The following FAM222B variants were observed in gnomAD, a reference collection of about 807,000 sequenced individuals.
FAM222B encodes protein FAM222B.
FAM222B carries 12 observed loss-of-function variants against 38.0 expected under a neutral mutation model. The ratio of observed to expected loss-of-function variants is 0.32; its 90% CI spans 0.20 to 0.51. The LOEUF is 0.51. Ranked by LOEUF, FAM222B falls within the 20% of genes least tolerant of loss-of-function variation. The pLI is 0.97. For missense variants in FAM222B, 716 were observed against 754.2 expected (o/e 0.95, Z 0.59); for synonymous variants, 329 against 317.2 (o/e 1.04, Z -0.40).
At chr17:28,835,049 T>C (rs898468405) in intron 1 of FAM222B, among the ~76,000 whole-genome samples, 7 of 149,970 alleles carry the variant, frequency 4.7e-5, no homozygotes, top group African/African-American at 1.5e-4. Context: ...TGTGTGTGTG[T>C]GTGTGTGTGT....
chr17:28,833,820 GA>G (rs2152618063), intron 1 of FAM222B, among the ~76,000 whole-genome samples: 1 of 152,164 alleles, frequency 6.6e-6, no homozygotes, highest in Non-Finnish European at 1.5e-5. Context: ...ATATGCTAAT[GA>G]CTACTAAATC....
At chr17:28,766,378 G>A (rs543310282) in intron 2 of FAM222B, among the ~76,000 whole-genome samples, 7 of 152,080 alleles carry the variant, frequency 4.6e-5, no homozygotes, top group African/African-American at 1.2e-4. Flanking sequence ...TGCTTAACCC[G>A]GGAGGGAGAG....
chr17:28,810,970 A>C (rs2037731713), intron 1 of FAM222B, among the ~76,000 whole-genome samples: 1 of 152,214 alleles, frequency 6.6e-6, no homozygotes, highest in Non-Finnish European at 1.5e-5. Flanking sequence ...TGTCTTCAAA[A>C]GTGGACCCCA....
intron 1 of FAM222B, among the ~76,000 whole-genome samples, chr17:28,818,676 C>A (rs2038112727): frequency 6.6e-6 from 1 of 152,130 alleles, no homozygotes; most frequent in Non-Finnish European, 1.5e-5. Flanking sequence ...TATATTTTTC[C>A]CTAATCTTCA....
upstream of FAM222B, among the ~76,000 whole-genome samples, chr17:28,847,759 A>T (rs2039155022): frequency 6.6e-6 from 1 of 151,798 alleles, no homozygotes; most frequent in African/African-American, 2.4e-5. Flanking sequence ...CTAAAAATAC[A>T]AAAAATGAGC....
At chr17:28,778,723 T>A (rs868424717) in intron 1 of FAM222B, among the ~76,000 whole-genome samples, 604 of 84,228 alleles carry the variant, frequency 7.2e-3, no homozygotes, top group African/African-American at 0.012. Context: ...ATATATATTT[T>A]TTTTTTTTTT....
intron 1 of FAM222B, among the ~76,000 whole-genome samples, chr17:28,793,411 C>A (rs1325221435): frequency 6.6e-6 from 1 of 152,166 alleles, no homozygotes; most frequent in Non-Finnish European, 1.5e-5. Context: ...CAAATGACAT[C>A]ATAAACTTTA....
rs201191388 is a variant in FAM222B, at chr17:28,766,590, C to G, written c.78G>C (p.Gln26His). The G allele has an allele frequency of 6.3e-7, 1 of 1,596,616 alleles. No homozygotes were observed. The highest frequency in any genetic ancestry group is 1.1e-5 in the South Asian group (1 of 88,010). ...LSHTQMNTGL[Q>H]KWDTTQKMRT... ...CATAGGATCCAGATTACTTACATTTCTGAAGTCCAGTGTTCATCTGCGTGT... is the reference window on the plus strand; with the variant it reads ...CATAGGATCCAGATTACTTACATTTGTGAAGTCCAGTGTTCATCTGCGTGT... The change falls in exon 2 of 3, where the codon CAG becomes CAC. Residue 26 changes from glutamine to histidine, a missense_variant. Gln to His is a conservative substitution (Grantham distance 24, BLOSUM62 0). Transcript: ENST00000581407.
At position 28,759,668 on chromosome 17, in the gene FAM222B, G is replaced by A. The variant is rs1201128836; in HGVS notation, c.291C>T (p.Thr97=). The A allele has an allele frequency of 6.2e-7, 1 of 1,613,394 alleles. No homozygotes were observed. Among genetic ancestry groups the A allele is most frequent in the African/African-American group, 1.3e-5 (1 of 74,938 alleles). The change falls in exon 3 of 3, where the codon ACC becomes ACT. Residue 97 remains threonine (T), a synonymous_variant. Coordinates refer to ENST00000581407, the MANE Select transcript of FAM222B (RefSeq NM_001077498.3). This position sits in a 1 kb window ranked among gnomAD's most constrained non-coding sequence, Gnocchi z 4.8. ...TGACAATGGCAAGCAGGCCTGCCTT[G>A]GTGGCAGCCTGTGTCGGGTAGGGGC... ...RYSPYPTQAA[T]KAGLLAIVKV...
At chr17:28,800,851 TTGA>T (rs2037182042) in intron 1 of FAM222B, among the ~76,000 whole-genome samples, 1 of 123,926 alleles carries the variant, frequency 8.1e-6, no homozygotes, top group African/African-American at 2.9e-5. Context: ...CCACATTTTG[TTGA>T]AAAAAAAAAA....
chr17:28,765,088 G>A (rs969549363), intron 2 of FAM222B, among the ~76,000 whole-genome samples: 3 of 152,188 alleles, frequency 2.0e-5, no homozygotes, highest in African/African-American at 4.8e-5. Context: ...AGCAGAGCTT[G>A]CCTTATTGTG....
chr17:28,836,595 G>A (rs566496031), intron 1 of FAM222B, among the ~76,000 whole-genome samples: 5 of 152,206 alleles, frequency 3.3e-5, no homozygotes, highest in South Asian at 2.1e-4. Flanking sequence ...TGAGAGGGTC[G>A]TGATCGATTG....
upstream of FAM222B, among the ~76,000 whole-genome samples, chr17:28,843,543 G>T (rs925071807): frequency 1.5e-4 from 22 of 149,340 alleles, no homozygotes; most frequent in African/African-American, 5.5e-4. Flanking sequence ...CGCCTCCCGG[G>T]TTCAAACGAT....
At chr17:28,850,370 C>T (rs1219762864) in intron 1 of FAM222B, among the ~76,000 whole-genome samples, 1 of 151,608 alleles carries the variant, frequency 6.6e-6, no homozygotes, top group African/African-American at 2.4e-5. Flanking sequence ...GGTGCGATCT[C>T]GGCTCACTGC....
At chr17:28,843,710 A>T (rs982983225), upstream of FAM222B, among the ~76,000 whole-genome samples, 4 of 151,964 alleles carry the variant, frequency 2.6e-5, no homozygotes, top group African/African-American at 9.7e-5. Flanking sequence ...GGCCTCCCAA[A>T]GTGCTGGGAT....
intron 1 of FAM222B, among the ~76,000 whole-genome samples, chr17:28,793,206 G>A (rs1029804126): frequency 6.6e-6 from 1 of 152,132 alleles, no homozygotes; most frequent in African/African-American, 2.4e-5. Flanking sequence ...AAAGTGCTGG[G>A]ATTGCAGTTG....
At chr17:28,829,142 G>T (rs1203280608) in intron 1 of FAM222B, among the ~76,000 whole-genome samples, 1 of 151,826 alleles carries the variant, frequency 6.6e-6, no homozygotes, top group Non-Finnish European at 1.5e-5. Context: ...CTGACCTCGA[G>T]ATCTGCCCGC....
chr17:28,835,568 T>C (rs530945264), intron 1 of FAM222B, among the ~76,000 whole-genome samples: 1 of 152,222 alleles, frequency 6.6e-6, no homozygotes, highest in African/African-American at 2.4e-5. Context: ...AAATTGATAC[T>C]TATGTTGTTT....
At chr17:28,829,200 G>C (rs1361944432) in intron 1 of FAM222B, among the ~76,000 whole-genome samples, 1 of 138,910 alleles carries the variant, frequency 7.2e-6, no homozygotes, top group South Asian at 2.4e-4. Flanking sequence ...CATCACGCTT[G>C]GCCACCCTCT....
Sources: allele counts gnomAD v4.1 joint callset (sites outside exome capture counted in the v4.1 genomes callset), GRCh38; gene constraint gnomAD v4.1.1; non-coding constraint Gnocchi (gnomAD v3.1); transcripts MANE v1.5; gene names NCBI Gene and HGNC (gene_info 2026-07-23, HGNC 2026-07-21).